PCDH11Y: variants seen among roughly 807,000 people sequenced by gnomAD.
PCDH11Y encodes protocadherin 11 Y-linked.
For synonymous variants in PCDH11Y, 9 were observed against 83.6 expected, an observed-to-expected ratio of 0.11 and a Z score of 4.87; for missense variants, 12 against 224.8, an observed-to-expected ratio of 0.05 and a Z score of 6.05.
At chrY:5,269,665 A>G in intron 2 of PCDH11Y, among the ~76,000 whole-genome samples, 1 of 33,488 alleles carries the variant, frequency 3.0e-5, no homozygotes, top group Non-Finnish European at 7.6e-5. Context: ...CTAAAATGAC[A>G]ACATAGACTT....
intron 3 of PCDH11Y, among the ~76,000 whole-genome samples, chrY:5,558,578 T>G (rs2124694854): frequency 3.4e-5 from 1 of 29,326 alleles, no homozygotes; most frequent in South Asian, 8.0e-4. Context: ...AGATCTTATA[T>G]TTTAAAATAC....
chrY:5,329,841 G>GA (rs2053127974), intron 2 of PCDH11Y, among the ~76,000 whole-genome samples: 1 of 33,358 alleles, frequency 3.0e-5, no homozygotes, highest in African/African-American at 1.2e-4. Context: ...TACCGGATTT[G>GA]AAATTGGTGA....
At chrY:5,452,704 A>G in intron 2 of PCDH11Y, among the ~76,000 whole-genome samples, 1 of 33,829 alleles carries the variant, frequency 3.0e-5, no homozygotes, top group African/African-American at 1.2e-4. Flanking sequence ...ATTAGAGCAA[A>G]TTATATTCAC....
At chrY:5,689,589 C>A in intron 4 of PCDH11Y, among the ~76,000 whole-genome samples, 2 of 33,195 alleles carry the variant, frequency 6.0e-5, no homozygotes, top group Admixed American at 5.5e-4. Flanking sequence ...TCATATTAGT[C>A]TATTGAGCAA....
At chrY:5,124,745 A>G in intron 2 of PCDH11Y, among the ~76,000 whole-genome samples, 1 of 32,439 alleles carries the variant, frequency 3.1e-5, no homozygotes, top group Non-Finnish European at 7.5e-5. Context: ...TGATACATCA[A>G]GTTCTCCTAT....
intron 2 of PCDH11Y, among the ~76,000 whole-genome samples, chrY:5,218,357 G>T: frequency 2.4e-4 from 8 of 33,001 alleles, no homozygotes; most frequent in Non-Finnish European, 4.5e-4. Context: ...ACCTGTTAGG[G>T]TCTTCTTCCG....
intron 2 of PCDH11Y, among the ~76,000 whole-genome samples, chrY:5,116,825 T>G: frequency 1.2e-4 from 4 of 32,368 alleles, no homozygotes; most frequent in Non-Finnish European, 3.0e-4. Flanking sequence ...TCATGGTCCG[T>G]TTTTTTTGTT....
chrY:5,035,080 A>G (rs2052597105), intron 3 of PCDH11Y, among the ~76,000 whole-genome samples: 1 of 30,522 alleles, frequency 3.3e-5, no homozygotes, highest in South Asian at 7.4e-4. Context: ...TTTTGCTTTC[A>G]GTTTTTGTTG....
At chrY:5,219,876 T>C in intron 2 of PCDH11Y, among the ~76,000 whole-genome samples, 1 of 33,802 alleles carries the variant, frequency 3.0e-5, no homozygotes, top group African/African-American at 1.1e-4. Context: ...TTTTACAGTT[T>C]TATGAGTTAT....
intron 2 of PCDH11Y, among the ~76,000 whole-genome samples, chrY:5,244,585 C>G (rs2052993411): frequency 3.0e-5 from 1 of 33,752 alleles, no homozygotes; most frequent in African/African-American, 1.2e-4. Flanking sequence ...GCTACCCAGC[C>G]TGGGAAACCG....
chrY:5,054,947 A>T, upstream of PCDH11Y, among the ~76,000 whole-genome samples: 1 of 32,779 alleles, frequency 3.1e-5, no homozygotes, highest in Non-Finnish European at 7.5e-5. Flanking sequence ...TAATGTCTTC[A>T]CCTCTAGCAT....
intron 2 of PCDH11Y, among the ~76,000 whole-genome samples, chrY:5,492,544 A>G (rs2053339868): frequency 4.5e-5 from 1 of 22,033 alleles, no homozygotes; most frequent in South Asian, 1.2e-3. Context: ...ATATAGAGAT[A>G]TTTTTGTTTG....
intron 2 of PCDH11Y, among the ~76,000 whole-genome samples, chrY:5,378,887 C>G: frequency 3.1e-5 from 1 of 32,700 alleles, no homozygotes; most frequent in Non-Finnish European, 7.5e-5. Context: ...CCATTAGCAA[C>G]AAGCAACAAC....
chrY:5,737,151 C>T (rs2124715864), intron 4 of PCDH11Y, 121 bp from the exon 6 acceptor site: 1 of 245,861 alleles, frequency 4.1e-6, no homozygotes, highest in Non-Finnish European at 6.3e-6. Context: ...TAATGGAAGT[C>T]TTTAATGCAT....
intron 2 of PCDH11Y, among the ~76,000 whole-genome samples, chrY:5,292,263 C>T (rs207480237): frequency 1.2e-4 from 4 of 33,287 alleles, no homozygotes; most frequent in African/African-American, 2.3e-4. Context: ...ATACTGGCCA[C>T]GTTGAATGAG....
downstream of PCDH11Y, among the ~76,000 whole-genome samples, chrY:5,107,920 G>A (rs1602868534): frequency 1.6e-4 from 5 of 31,859 alleles, no homozygotes; most frequent in Admixed American, 1.2e-3. Context: ...TTAGCCGGGC[G>A]TGGTGGCGGG....
exon 2 of PCDH11Y, chrY:5,099,631 C>G: frequency 2.6e-6 from 1 of 388,737 alleles, no homozygotes; most frequent in Non-Finnish European, 3.6e-6. Context: ...TAGAGTATCA[C>G]GTTCTTCAAG....
chrY:5,254,247 G>A (rs2053007426), intron 2 of PCDH11Y, among the ~76,000 whole-genome samples: 3 of 33,633 alleles, frequency 8.9e-5, no homozygotes, highest in African/African-American at 3.5e-4. Flanking sequence ...AGAAATGGGG[G>A]AGAGGGAGTA....
At chrY:5,276,819 A>G in intron 2 of PCDH11Y, among the ~76,000 whole-genome samples, 1 of 32,098 alleles carries the variant, frequency 3.1e-5, no homozygotes, top group African/African-American at 1.2e-4. Context: ...TTTGTCAAAA[A>G]TGTTGAATAC....
Sources: gnomAD v4.1 joint callset for allele counts (sites outside exome capture counted in the v4.1 genomes callset) on GRCh38, gnomAD v4.1.1 for gene constraint, MANE v1.5 for transcripts, NCBI Gene and HGNC (gene_info 2026-07-23, HGNC 2026-07-21) for gene names.